TIAM2: variants seen among roughly 807,000 people sequenced by gnomAD.
TIAM2 encodes the protein rho guanine nucleotide exchange factor TIAM2.
In TIAM2, 80 loss-of-function variants were observed where a neutral mutation model predicts 152.9. The ratio of observed to expected loss-of-function variants is 0.52; its 90% CI spans 0.44 to 0.63. The LOEUF (loss-of-function observed/expected upper bound fraction) is 0.63, where lower values mean the gene tolerates loss of function less well. Ranked by LOEUF, TIAM2 falls within the 30% of genes least tolerant of loss-of-function variation. The pLI is 0.00. For missense variants in TIAM2, 1,965 were observed against 2,120.1 expected, an observed-to-expected ratio of 0.93 and a Z score of 1.44; for synonymous variants, 804 against 838.0, an observed-to-expected ratio of 0.96 and a Z score of 0.70.
chr6:155,236,816 T>C (rs1782784881), intron 15 of TIAM2, among the ~76,000 whole-genome samples: 1 of 152,192 alleles, frequency 6.6e-6, no homozygotes, highest in African/African-American at 2.4e-5. Context: ...ACCCCCATGA[T>C]TCAATCATCT....
chr6:155,005,656 CTT>C (rs1158345350), intron 1 of TIAM2, among the ~76,000 whole-genome samples: 15 of 126,492 alleles, frequency 1.2e-4, no homozygotes, highest in Admixed American at 2.4e-4. Flanking sequence ...GAATTCTTTA[CTT>C]TTTTTTTTTT....
At chr6:155,025,589 G>T (rs981364562) in intron 1 of TIAM2, among the ~76,000 whole-genome samples, 4 of 151,958 alleles carry the variant, frequency 2.6e-5, no homozygotes, top group Non-Finnish European at 5.9e-5. Context: ...AAAGTGCTGG[G>T]ATTACAGGTG....
At chr6:155,135,457 G>A (rs1246885881) in intron 4 of TIAM2, among the ~76,000 whole-genome samples, 1 of 152,130 alleles carries the variant, frequency 6.6e-6, no homozygotes, top group Non-Finnish European at 1.5e-5. Context: ...TGTGCTTGGC[G>A]TCTCTGCAGA....
At chr6:155,051,486 C>T (rs781383913) in intron 1 of TIAM2, among the ~76,000 whole-genome samples, 1 of 152,102 alleles carries the variant, frequency 6.6e-6, no homozygotes, top group Non-Finnish European at 1.5e-5. Context: ...GTAACTTGCC[C>T]AAGGGTAAAA....
At chr6:155,128,784 T>C (rs1223618571) in intron 3 of TIAM2, among the ~76,000 whole-genome samples, 2 of 151,682 alleles carry the variant, frequency 1.3e-5, no homozygotes, top group African/African-American at 2.4e-5. Flanking sequence ...GAGGATCACT[T>C]GAGCCTAGGA....
At position 155,076,851 on chromosome 6, in the gene TIAM2, A is replaced by G. The variant is rs535973670; in HGVS notation, c.-208-13438A>G. Among the ~76,000 whole-genome samples the G allele has an allele frequency of 5.3e-5, 8 of 152,274 alleles. No individual in the cohort carries two copies. The East Asian group carries it at 1.4e-3, about 26-fold the overall frequency. On this transcript the variant is annotated intron_variant, in intron 1 of 26. Transcript: ENST00000682666. Reference sequence around the variant, plus strand: ...GCTGGGATTACATGCGTGTACCGCCATGCCTGGCTAATTTTTGTATTTTTA... The same window carrying G: ...GCTGGGATTACATGCGTGTACCGCCGTGCCTGGCTAATTTTTGTATTTTTA...
intron 1 of TIAM2, among the ~76,000 whole-genome samples, chr6:155,014,367 GTTTC>G (rs1170182939): frequency 1.3e-5 from 2 of 151,914 alleles, no homozygotes; most frequent in Non-Finnish European, 2.9e-5. Context: ...TCTTTTTATT[GTTTC>G]TTTCTCAAAT....
intron 1 of TIAM2, among the ~76,000 whole-genome samples, chr6:155,021,790 A>T (rs1453106280): frequency 6.6e-6 from 1 of 152,176 alleles, no homozygotes; most frequent in Non-Finnish European, 1.5e-5. Context: ...CAAAGGTAGG[A>T]CTGAAACTCA....
chr6:155,117,632 G>A (rs567579930), intron 2 of TIAM2, among the ~76,000 whole-genome samples: 29 of 152,224 alleles, frequency 1.9e-4, no homozygotes, highest in African/African-American at 2.4e-4. Context: ...TAGTAAAGGC[G>A]GGGTTTCACC....
chr6:155,221,107 CTTGTTT>C (rs10541289), intron 15 of TIAM2, among the ~76,000 whole-genome samples: 4,993 of 65,374 alleles, frequency 0.076, 308 homozygotes, highest in African/African-American at 0.26. Flanking sequence ...TCTCTTTCAT[CTTGTTT>C]TTTTTTTTTT....
intron 15 of TIAM2, among the ~76,000 whole-genome samples, chr6:155,238,038 T>A (rs574988119): frequency 6.6e-6 from 1 of 152,382 alleles, no homozygotes; most frequent in Non-Finnish European, 1.5e-5. Flanking sequence ...CAAAGTTTTA[T>A]GCTCTGCCTC....
intron 14 of TIAM2, among the ~76,000 whole-genome samples, chr6:155,206,703 A>G (rs951817790): frequency 2.6e-5 from 4 of 152,224 alleles, no homozygotes; most frequent in African/African-American, 9.6e-5. Flanking sequence ...AACTTGGGAC[A>G]TTGCAGCTCT....
intron 1 of TIAM2, chr6:155,005,077 G>T: frequency 2.7e-6 from 1 of 371,054 alleles, no homozygotes; most frequent in Non-Finnish European, 4.8e-6. Flanking sequence ...AGAGTAGAAG[G>T]CTTGGAGGAT....
chr6:155,031,626 A>G (rs977958469), intron 1 of TIAM2, among the ~76,000 whole-genome samples: 1 of 152,170 alleles, frequency 6.6e-6, no homozygotes, highest in Non-Finnish European at 1.5e-5. Context: ...CGGGAGGCTG[A>G]GGTGGGAGGA....
Position 155,088,932 on chromosome 6 carries a change from A to G in TIAM2, c.-208-1357A>G, listed in dbSNP as rs1778234526. Among the ~76,000 whole-genome samples, 2 of 152,208 alleles carry G rather than the reference A, an allele frequency of 1.3e-5. 1 individual carries two copies. Among genetic ancestry groups the G allele is most frequent in the South Asian group, 4.1e-4 (2 of 4,836 alleles). ...TGGACATCCCTGCCCTAAAGTCTGC[A>G]TTCTTTATCAAGGACTGCATTCTGG... On this transcript the variant is annotated intron_variant, in intron 1 of 26. Coordinates refer to ENST00000682666, the MANE Select transcript of TIAM2 (RefSeq NM_012454.4).
At chr6:155,077,445 TACTC>T (rs1016288616) in intron 1 of TIAM2, among the ~76,000 whole-genome samples, 9 of 152,198 alleles carry the variant, frequency 5.9e-5, no homozygotes, top group African/African-American at 1.7e-4. Context: ...ACGTAAAATT[TACTC>T]ACTCAGTTCC....
At chr6:155,005,082 G>T in intron 1 of TIAM2, 1 of 356,428 alleles carries the variant, frequency 2.8e-6, no homozygotes, top group South Asian at 4.9e-5. Flanking sequence ...AGAAGGCTTG[G>T]AGGATGGTAA....
intron 15 of TIAM2, among the ~76,000 whole-genome samples, chr6:155,227,808 C>G (rs1257675894): frequency 6.6e-6 from 1 of 152,184 alleles, no homozygotes; most frequent in Non-Finnish European, 1.5e-5. Flanking sequence ...AGCAGGTAGA[C>G]TGTGACAGCT....
At chr6:155,167,244 CAGAG>C (rs1780466565) in intron 9 of TIAM2, among the ~76,000 whole-genome samples, 1 of 151,798 alleles carries the variant, frequency 6.6e-6, no homozygotes, top group Non-Finnish European at 1.5e-5. Flanking sequence ...TTTTTTGAGA[CAGAG>C]AGTCTCTCTG....
Sources: gnomAD v4.1 joint callset for allele counts (sites outside exome capture counted in the v4.1 genomes callset) on GRCh38, gnomAD v4.1.1 for gene constraint, MANE v1.5 for transcripts, NCBI Gene and HGNC (gene_info 2026-07-23, HGNC 2026-07-21) for gene names.